Variants in DIS3L observed in about 807,000 individuals in gnomAD.
DIS3L encodes DIS3 like exosome 3'-5' exoribonuclease, also known as DIS3-like exonuclease 1.
DIS3L carries 100 observed loss-of-function variants against 120.3 expected under a neutral mutation model. The observed-to-expected ratio is 0.83, with a 90% CI of 0.71 to 0.98. The LOEUF (loss-of-function observed/expected upper bound fraction) is 0.98, where lower values mean the gene tolerates loss of function less well. DIS3L is among the 50% of genes least tolerant of loss of function. The pLI is 0.00. For missense variants in DIS3L, 1,196 were observed against 1,314.2 expected (o/e 0.91, Z 1.39); for synonymous variants, 426 against 470.6 (o/e 0.91, Z 1.23).
rs540936862 is a variant in DIS3L, at chr15:66,332,799, A to T, written c.2745A>T (p.Pro915=). The change falls in exon 16 of 17, where the codon CCA becomes CCT. Residue 915 remains proline (P), a synonymous_variant. Coordinates refer to ENST00000319212, the MANE Select transcript of DIS3L (RefSeq NM_001143688.3). ...NKDGLVISCG[P]DSCSEWKPGS... Reference sequence around the variant, plus strand: ...ATGGTTTAGTCATCTCATGTGGCCCAGATAGCTGTTCTGAATGGAAACCAG... The same window carrying T: ...ATGGTTTAGTCATCTCATGTGGCCCTGATAGCTGTTCTGAATGGAAACCAG... 20 of 1,614,010 alleles carry T rather than the reference A, an allele frequency of 1.2e-5. No homozygotes were observed. In the East Asian group the frequency reaches 4.2e-4, roughly 34 times the overall value.
Position 66,333,245 on chromosome 15 carries a change from T to C in DIS3L, c.3098T>C (p.Leu1033Pro). 1 of 1,614,082 alleles carries C rather than the reference T, an allele frequency of 6.2e-7. No individual in the cohort carries two copies. Among genetic ancestry groups the C allele is most frequent in the Non-Finnish European group, 8.5e-7 (1 of 1,180,022 alleles). Residue 1033 changes from leucine (L) to proline (P), a missense_variant, in exon 17 of 17, where the codon CTA (leucine) becomes CCA (proline). Physicochemically the swap from Leu to Pro is moderately conservative, Grantham distance 98. Transcript: ENST00000319212. ...TATCGCCAAACAAAGGGAAGGAGCC[T>C]ATACACACTTCTAGAGGAGATACGG... ...QEYRQTKGRS[L>P]YTLLEEIRDL...
chr15:66,304,492 T>C (rs1566938151), intron 2 of DIS3L, among the ~76,000 whole-genome samples: 1 of 152,176 alleles, frequency 6.6e-6, no homozygotes, highest in East Asian at 1.9e-4. Context: ...AAATTACTGA[T>C]ATAATATGTT....
At chr15:66,329,667 G>A (rs1319117098) in intron 14 of DIS3L, 15 of 1,100,466 alleles carry the variant, frequency 1.4e-5, no homozygotes, top group African/African-American at 5.0e-5. Context: ...GAGGCCAGAC[G>A]TGGTGGCTCA....
At chr15:66,317,841 TA>T (rs35644337) in intron 7 of DIS3L, among the ~76,000 whole-genome samples, 158 of 130,226 alleles carry the variant, frequency 1.2e-3, no homozygotes, top group Non-Finnish European at 1.3e-3. Context: ...TCCTGTTTCT[TA>T]AAAAAAAAAA....
At position 66,332,795 on chromosome 15, in the gene DIS3L, G is replaced by T; in HGVS notation, c.2741G>T (p.Gly914Val). The T allele has an allele frequency of 2.5e-6, 4 of 1,613,820 alleles. No homozygotes were observed. Among genetic ancestry groups the T allele is most frequent in the Non-Finnish European group, 3.4e-6 (4 of 1,179,942 alleles). The change falls in exon 16 of 17, where the codon GGC (glycine) becomes GTC (valine). Residue 914 changes from glycine (G) to valine (V), a missense_variant. Coordinates refer to ENST00000319212, the MANE Select transcript of DIS3L (RefSeq NM_001143688.3). ...AAAGATGGTTTAGTCATCTCATGTG[G>T]CCCAGATAGCTGTTCTGAATGGAAA... ...KNKDGLVISC[G>V]PDSCSEWKPG... is the part of the protein sequence containing the mutation.
chr15:66,299,547 A>G (rs1297843759), intron 2 of DIS3L, among the ~76,000 whole-genome samples: 2 of 146,106 alleles, frequency 1.4e-5, no homozygotes, highest in East Asian at 3.9e-4. Context: ...CTCCATCTCA[A>G]AAAAAAAAAA....
chr15:66,320,794 A>G (rs1040700667), intron 9 of DIS3L, 62 bp downstream of exon 9: 3 of 1,560,094 alleles, frequency 1.9e-6, no homozygotes, highest in Non-Finnish European at 1.7e-6. Context: ...TTGTTGTTTC[A>G]TCATTAAGAA....
At chr15:66,331,058 G>A (rs2092993449) in intron 14 of DIS3L, among the ~76,000 whole-genome samples, 2 of 152,126 alleles carry the variant, frequency 1.3e-5, no homozygotes, top group South Asian at 4.1e-4. Flanking sequence ...GGGCGGCTGA[G>A]GCAGGAGAAT....
At chr15:66,320,951 T>C (rs942929550) in intron 9 of DIS3L, among the ~76,000 whole-genome samples, 4 of 152,148 alleles carry the variant, frequency 2.6e-5, no homozygotes, top group Non-Finnish European at 5.9e-5. Flanking sequence ...GCTCTCAAAT[T>C]TTTATATTTT....
chr15:66,331,107 A>G (rs2092994003), intron 14 of DIS3L, among the ~76,000 whole-genome samples: 1 of 152,106 alleles, frequency 6.6e-6, no homozygotes, highest in African/African-American at 2.4e-5. Flanking sequence ...GGGAGCCAAG[A>G]TCGCGCCATT....
At chr15:66,325,252 G>A (rs1019979861) in intron 11 of DIS3L, among the ~76,000 whole-genome samples, 1 of 152,136 alleles carries the variant, frequency 6.6e-6, no homozygotes, top group African/African-American at 2.4e-5. Context: ...AAATTAGCCA[G>A]GCATGGTGGT....
chr15:66,324,842 C>G (rs72748369), intron 11 of DIS3L, among the ~76,000 whole-genome samples: 16,080 of 152,178 alleles, frequency 0.11, 1,078 homozygotes, highest in Non-Finnish European at 0.15. Context: ...AGATCAATTA[C>G]TGATTAATTT....
intron 1 of DIS3L, 33 bp downstream of exon 1, chr15:66,293,768 G>C: frequency 8.7e-7 from 1 of 1,155,366 alleles, no homozygotes; most frequent in South Asian, 4.2e-5. Flanking sequence ...GGACGGGGCC[G>C]GCGGGAGCGG....
intron 4 of DIS3L, among the ~76,000 whole-genome samples, chr15:66,311,434 G>A (rs983314147): frequency 2.0e-5 from 3 of 152,158 alleles, no homozygotes; most frequent in South Asian, 4.1e-4. Context: ...CTGGACGTGC[G>A]CAGGTGTGTA....
At chr15:66,324,916 C>CT (rs1452489375) in intron 11 of DIS3L, among the ~76,000 whole-genome samples, 21 of 151,840 alleles carry the variant, frequency 1.4e-4, no homozygotes, top group Admixed American at 3.3e-4. Flanking sequence ...AAATGTATAC[C>CT]TTTTTTTTAA....
chr15:66,328,908 C>CA, intron 12 of DIS3L, 62 bp from the exon 13 acceptor site: 1 of 1,551,516 alleles, frequency 6.4e-7, no homozygotes, highest in Non-Finnish European at 8.7e-7. Context: ...GGGTTCCCCT[C>CA]AAAGTGTTGT....
rs373688806 is a variant in DIS3L, at chr15:66,308,819, A to G, written c.533A>G (p.Glu178Gly). 1.6e-5 allele frequency: 26 copies of G among 1,613,302 alleles called. No individual in the cohort carries two copies. Among genetic ancestry groups the G allele is most frequent in the Admixed American group, 5.0e-5 (3 of 59,966 alleles). ...ATTCAGCAGTATGGAAGTGAAACAG[A>G]AGGAGTATTCGTGATTACTTTCAAG... ...EAIQQYGSET[E>G]GVFVITFKNY... The change falls in exon 4 of 17, where the codon GAA becomes GGA. Residue 178 changes from glutamate to glycine, a missense_variant. Glu to Gly is a moderately conservative substitution (Grantham distance 98, BLOSUM62 -2). Transcript: ENST00000319212.
chr15:66,315,652 G>A lies in DIS3L; in HGVS notation c.994+437G>A, dbSNP rs188457092. On this transcript the variant is annotated intron_variant, in intron 7 of 16. Coordinates refer to ENST00000319212, the MANE Select transcript of DIS3L (RefSeq NM_001143688.3). ...TATCAGCACCCAAATATGCTGTAAT[G>A]GCTTCCATCTTAAAATCAAACCAAA... Among the ~76,000 whole-genome samples, 4 of 152,180 alleles carry A rather than the reference G, an allele frequency of 2.6e-5. No individual in the cohort carries two copies. In the East Asian group the frequency reaches 7.7e-4, roughly 29 times the overall value.
At chr15:66,311,683 T>C (rs747750147) in intron 4 of DIS3L, 41 bp from the exon 5 acceptor site, 37 of 1,608,600 alleles carry the variant, frequency 2.3e-5, no homozygotes, top group Non-Finnish European at 3.0e-5. Context: ...GAAGAATCAG[T>C]ACCTTCTGAC....
Sources: gnomAD v4.1 joint callset for allele counts (sites outside exome capture counted in the v4.1 genomes callset) on GRCh38, gnomAD v4.1.1 for gene constraint, MANE v1.5 for transcripts, NCBI Gene and HGNC (gene_info 2026-07-23, HGNC 2026-07-21) for gene names.